The following DSCAM variants were observed in gnomAD, a reference collection of about 807,000 sequenced individuals.
DSCAM encodes the protein DS cell adhesion molecule.
A neutral mutation model predicts 217.7 loss-of-function variants in DSCAM; 47 were observed. The observed-to-expected ratio is 0.22, with a 90% CI of 0.17 to 0.28. The LOEUF is 0.28. Among genes scored for constraint, DSCAM ranks in the 10% least tolerant of loss-of-function variants. The probability of loss-of-function intolerance (pLI) is 1.00; values close to 1 mark genes in which losing one functional copy is unlikely to be tolerated. For missense variants in DSCAM, 2,080 were observed against 2,618.3 expected (o/e 0.79, Z 4.49); for synonymous variants, 1,056 against 1,015.3 (o/e 1.04, Z -0.76).
intron 1 of DSCAM, among the ~76,000 whole-genome samples, chr21:40,731,967 C>T (rs2091017637): frequency 6.6e-6 from 1 of 152,084 alleles, no homozygotes; most frequent in East Asian, 1.9e-4. Flanking sequence ...CCTCATGATC[C>T]ACCTGCTTTG....
chr21:40,196,787 A>T (rs757666916), intron 11 of DSCAM, among the ~76,000 whole-genome samples: 1 of 152,196 alleles, frequency 6.6e-6, no homozygotes, highest in Non-Finnish European at 1.5e-5. Flanking sequence ...CTGTGTGCTA[A>T]GAACTTTTCC....
chr21:40,772,320 C>T (rs2091452566), intron 1 of DSCAM, among the ~76,000 whole-genome samples: 1 of 152,180 alleles, frequency 6.6e-6, no homozygotes, highest in Admixed American at 6.5e-5. Flanking sequence ...AGGCACCCGT[C>T]ACCGTGCCTG....
chr21:40,124,332 G>C lies in DSCAM; in HGVS notation c.3563-4C>G. The C allele has an allele frequency of 1.2e-6, 2 of 1,613,638 alleles. No individual in the cohort carries two copies. Among genetic ancestry groups the C allele is most frequent in the Non-Finnish European group, 1.7e-6 (2 of 1,180,010 alleles). On this transcript the variant is annotated splice_polypyrimidine_tract_variant and splice_region_variant and intron_variant, in intron 19 of 32. Transcript: ENST00000400454. ...ACACCCGCGGGAGGACCTGGAACTG[G>C]AAGAGCCGTGTGTTTAGTCACAAGG...
At chr21:40,536,154 A>G (rs1190503013) in intron 3 of DSCAM, among the ~76,000 whole-genome samples, 1 of 152,190 alleles carries the variant, frequency 6.6e-6, no homozygotes, top group African/African-American at 2.4e-5. Context: ...GGGCATCAGC[A>G]TGTTCGATTT....
intron 3 of DSCAM, among the ~76,000 whole-genome samples, chr21:40,428,941 T>G (rs1183047445): frequency 6.6e-6 from 1 of 152,154 alleles, no homozygotes; most frequent in African/African-American, 2.4e-5. Flanking sequence ...TTTTAGGTAC[T>G]TTTTCAAGCA....
At chr21:40,439,860 A>G (rs991195116) in intron 3 of DSCAM, among the ~76,000 whole-genome samples, 2 of 152,074 alleles carry the variant, frequency 1.3e-5, no homozygotes, top group Non-Finnish European at 2.9e-5. Flanking sequence ...CATGGAAAAG[A>G]CCTGCCCCCA....
At chr21:40,706,568 CA>C (rs1568994684) in intron 2 of DSCAM, among the ~76,000 whole-genome samples, 1 of 152,130 alleles carries the variant, frequency 6.6e-6, no homozygotes, top group East Asian at 1.9e-4. Context: ...CACCAATCTA[CA>C]GGGATATTTA....
Position 40,471,269 on chromosome 21 carries a change from A to G in DSCAM, c.509-102024T>C, listed in dbSNP as rs186996124. ...TGTGTCAGAGAAATATGCTTATGTC[A>G]ACTCTAAGAAACCACATTAGGGAAG... On this transcript the variant is annotated intron_variant, in intron 3 of 32. Transcript: ENST00000400454. 1.4e-4 allele frequency among the ~76,000 whole-genome samples: 22 copies of G among 152,330 alleles called. No individual in the cohort carries two copies. In the East Asian group the frequency reaches 2.5e-3, roughly 17 times the overall value.
At chr21:40,612,132 T>C (rs2089324087) in intron 3 of DSCAM, among the ~76,000 whole-genome samples, 1 of 152,216 alleles carries the variant, frequency 6.6e-6, no homozygotes, top group South Asian at 2.1e-4. Flanking sequence ...TGGAAGGTTG[T>C]ACGCTTAGAG....
intron 1 of DSCAM, among the ~76,000 whole-genome samples, chr21:40,756,697 ATT>A (rs553468603): frequency 6.6e-6 from 1 of 152,148 alleles, no homozygotes; most frequent in African/African-American, 2.4e-5. Context: ...CAGCCCAGGC[ATT>A]TCTTTATGGC....
chr21:40,078,654 C>T (rs79880220), intron 26 of DSCAM, 33 bp downstream of exon 26: 29 of 1,597,534 alleles, frequency 1.8e-5, no homozygotes, highest in Non-Finnish European at 2.5e-5. Flanking sequence ...CCCCAAGACA[C>T]AAGCAGGAGA....
intron 1 of DSCAM, among the ~76,000 whole-genome samples, chr21:40,828,452 A>G (rs2091987072): frequency 6.6e-6 from 1 of 152,014 alleles, no homozygotes; most frequent in African/African-American, 2.4e-5. Context: ...AATTCAGAAG[A>G]GCCTCAAAGG....
At chr21:40,053,555 G>A (rs1006052769) in intron 29 of DSCAM, among the ~76,000 whole-genome samples, 18 of 152,258 alleles carry the variant, frequency 1.2e-4, no homozygotes, top group Middle Eastern at 3.4e-3. Flanking sequence ...CTGATCATGA[G>A]GTTAACCATT....
rs552866588 is a variant in DSCAM at position 40,424,447 on chromosome 21, T to C, written c.509-55202A>G. 3.3e-5 allele frequency among the ~76,000 whole-genome samples: 5 copies of C among 152,220 alleles called. No homozygotes were observed. The South Asian group carries it at 8.3e-4, about 25-fold the overall frequency. The stretch of plus-strand genomic sequence containing the variant: ...AGCCGTGTGACTGGCGTGATGTCTA[T>C]AATACAAACCAACAAGAGCAAGGCT... On this transcript the variant is annotated intron_variant, in intron 3 of 32. Transcript: ENST00000400454.
chr21:40,567,715 A>C (rs2076775612), intron 3 of DSCAM, among the ~76,000 whole-genome samples: 1 of 152,218 alleles, frequency 6.6e-6, no homozygotes, highest in Non-Finnish European at 1.5e-5. Flanking sequence ...CCACAAGGTC[A>C]AGGGCTGGGA....
intron 4 of DSCAM, among the ~76,000 whole-genome samples, chr21:40,359,640 AAG>A (rs1244726976): frequency 1.3e-5 from 2 of 152,228 alleles, no homozygotes; most frequent in South Asian, 4.1e-4. Context: ...CTCCAGCAAC[AAG>A]AGAGAATGAA....
In DSCAM at chr21:40,142,635, G is replaced by C. The variant is rs2090306475; in HGVS notation, c.3329C>G (p.Ser1110Cys). ...TSPESISISW[S>C]TLSKEALNGI... ...ATTCAAGGCTTCCTTGGAAAGTGTG[G>C]ACCAGGATATTGATATGCTTTCTGG... Residue 1110 changes from serine (S) to cysteine (C), a missense_variant, in exon 18 of 33, where the codon TCC becomes TGC. By Grantham distance (112) the Ser-to-Cys change is moderately radical. This residue lies in a region of DSCAM where 1,144 missense variants were observed against 1,421.1 expected (regional missense o/e 0.81). Coordinates refer to ENST00000400454, the MANE Select transcript of DSCAM (RefSeq NM_001389.5). The C allele has an allele frequency of 1.2e-6, 2 of 1,614,128 alleles. No homozygotes were observed. The highest frequency in any genetic ancestry group is 1.7e-6 in the Non-Finnish European group (2 of 1,180,026).
At chr21:40,374,270 C>A (rs1204422745) in intron 3 of DSCAM, among the ~76,000 whole-genome samples, 1 of 152,158 alleles carries the variant, frequency 6.6e-6, no homozygotes, top group East Asian at 1.9e-4. Flanking sequence ...GTTTGTTATT[C>A]TGCTGTTCTG....
At chr21:40,752,999 C>T (rs1263131765) in intron 1 of DSCAM, among the ~76,000 whole-genome samples, 1 of 152,152 alleles carries the variant, frequency 6.6e-6, no homozygotes, top group African/African-American at 2.4e-5. Flanking sequence ...ACGTGGCCTG[C>T]ACCTGAATCT....
Sources: allele counts gnomAD v4.1 joint callset (sites outside exome capture counted in the v4.1 genomes callset), GRCh38; gene constraint gnomAD v4.1.1; regional missense constraint gnomAD v4.1.1; transcripts MANE v1.5; gene names NCBI Gene and HGNC (gene_info 2026-07-23, HGNC 2026-07-21).